Variants in AKR1E2 observed in about 807,000 individuals in gnomAD.
AKR1E2 encodes aldo-keto reductase family 1 member E2.
A neutral mutation model predicts 41.9 loss-of-function variants in AKR1E2; 43 were observed. That is an observed-to-expected ratio of 1.03 (90% CI 0.80 to 1.32). The LOEUF (loss-of-function observed/expected upper bound fraction) is 1.32, where lower values mean the gene tolerates loss of function less well. AKR1E2 is among the 40% of genes most tolerant of loss of function. The pLI is 0.00. For missense variants in AKR1E2, 423 were observed against 396.5 expected (o/e 1.07, Z -0.57); for synonymous variants, 121 against 138.9 (o/e 0.87, Z 0.91).
chr10:4,840,408 A>G (rs1833781543), intron 6 of AKR1E2, among the ~76,000 whole-genome samples: 1 of 152,232 alleles, frequency 6.6e-6, no homozygotes, highest in Admixed American at 6.5e-5. Flanking sequence ...GTTAAGTAGC[A>G]TTCCCGAGGT....
chr10:4,837,112 A>G (rs1833491588), intron 4 of AKR1E2, among the ~76,000 whole-genome samples: 1 of 152,230 alleles, frequency 6.6e-6, no homozygotes, highest in African/African-American at 2.4e-5. Flanking sequence ...GAATAGGAAC[A>G]AGAAGAGCTC....
At position 4,846,454 on chromosome 10, in the gene AKR1E2, G is replaced by A. The variant is rs77223826; in HGVS notation, c.838-694G>A. ...TACTGTTAGAGTTCATAGTCCCAGG[G>A]CCAAGTGGGTCCCTAGTTGGCAGGT... On this transcript the variant is annotated intron_variant, in intron 8 of 9. Coordinates refer to ENST00000298375, the MANE Select transcript of AKR1E2 (RefSeq NM_001040177.3). Among the ~76,000 whole-genome samples the A allele has an allele frequency of 9.8e-3, 1,485 of 152,244 alleles. 23 individuals carry two copies. The highest frequency in any genetic ancestry group is 0.035 in the African/African-American group (1,432 of 41,498).
At chr10:4,850,796 A>G (rs1308796654), downstream of AKR1E2, among the ~76,000 whole-genome samples, 1 of 152,190 alleles carries the variant, frequency 6.6e-6, no homozygotes, top group African/African-American at 2.4e-5. Context: ...CAGGGTGACT[A>G]TGTGCACAAT....
the AKR1E2 span, among the ~76,000 whole-genome samples, chr10:4,866,977 C>T: frequency 2.0e-5 from 3 of 152,106 alleles, no homozygotes; most frequent in South Asian, 6.2e-4. Context: ...AATCTTGTAG[C>T]CTCCAGCTGC....
upstream of AKR1E2, among the ~76,000 whole-genome samples, chr10:4,825,298 G>T (rs1458813770): frequency 1.3e-5 from 2 of 152,194 alleles, no homozygotes; most frequent in African/African-American, 4.8e-5. Flanking sequence ...TCATCTGGGT[G>T]TGGGTGTCCT....
Position 4,833,402 on chromosome 10 carries a change from GTC to G in AKR1E2, c.263_264del (p.Leu88GlnfsTer32). ...TTGGTGGAAACAGCATGCAGAAAGA[GTC>G]TCAAGGCCTTGAAGCTGAACTATTT... On this transcript the variant is annotated frameshift_variant, in exon 3 of 10. Transcript: ENST00000298375. LOFTEE classifies it high-confidence loss of function. The G allele has an allele frequency of 6.2e-7, 1 of 1,614,204 alleles. No homozygotes were observed. Among genetic ancestry groups the G allele is most frequent in the Non-Finnish European group, 8.5e-7 (1 of 1,180,038 alleles).
chr10:4,836,349 A>G (rs74353402), intron 4 of AKR1E2, among the ~76,000 whole-genome samples: 5,302 of 152,204 alleles, frequency 0.035, 149 homozygotes, highest in East Asian at 0.11. Context: ...GGCTTGCAGT[A>G]AAGACTTGAG....
intron 3 of AKR1E2, among the ~76,000 whole-genome samples, chr10:4,835,338 G>C (rs1833315275): frequency 6.6e-6 from 1 of 152,210 alleles, no homozygotes; most frequent in Non-Finnish European, 1.5e-5. Context: ...AAGACATGAA[G>C]AAAATGCACT....
intron 8 of AKR1E2, among the ~76,000 whole-genome samples, chr10:4,843,000 G>A (rs1182720837): frequency 1.3e-5 from 2 of 152,226 alleles, no homozygotes; most frequent in Non-Finnish European, 2.9e-5. Context: ...CTGAGAGGCA[G>A]GAGTGAAGAC....
chr10:4,867,110 A>G, the AKR1E2 span, among the ~76,000 whole-genome samples: 1 of 152,226 alleles, frequency 6.6e-6, no homozygotes, highest in Non-Finnish European at 1.5e-5. Context: ...TGTTTAAACT[A>G]TAAACTAAGT....
chr10:4,850,269 C>T (rs1393464080), downstream of AKR1E2, among the ~76,000 whole-genome samples: 1 of 152,220 alleles, frequency 6.6e-6, no homozygotes, highest in Admixed American at 6.5e-5. Flanking sequence ...GTGGGCATCT[C>T]TCCTGACTTT....
chr10:4,850,463 A>G (rs551092909), downstream of AKR1E2, among the ~76,000 whole-genome samples: 1 of 152,324 alleles, frequency 6.6e-6, no homozygotes, highest in South Asian at 2.1e-4. Context: ...CTTGGGGAGG[A>G]TGGCAGGGCC....
chr10:4,865,769 T>C, the AKR1E2 span, among the ~76,000 whole-genome samples: 9 of 152,270 alleles, frequency 5.9e-5, no homozygotes, highest in African/African-American at 2.2e-4. Flanking sequence ...TAATTATAAA[T>C]TGGTAGGACT....
At chr10:4,827,958 ATATTC>A (rs143033710) in intron 1 of AKR1E2, among the ~76,000 whole-genome samples, 5,320 of 152,330 alleles carry the variant, frequency 0.035, 147 homozygotes, top group East Asian at 0.11. Flanking sequence ...ACAGGTCAAA[ATATTC>A]TATTTATTTT....
At chr10:4,862,337 T>C in the AKR1E2 span, among the ~76,000 whole-genome samples, 1 of 152,332 alleles carries the variant, frequency 6.6e-6, no homozygotes, top group African/African-American at 2.4e-5. Flanking sequence ...ACTGTAGCCT[T>C]GTAGTATAAT....
At chr10:4,825,339 G>A (rs978165703), upstream of AKR1E2, among the ~76,000 whole-genome samples, 4 of 152,204 alleles carry the variant, frequency 2.6e-5, no homozygotes, top group Admixed American at 2.6e-4. Context: ...GGCTGAGGGG[G>A]GCAATGAAGG....
downstream of AKR1E2, among the ~76,000 whole-genome samples, chr10:4,850,295 T>C (rs1210915704): frequency 6.6e-6 from 1 of 152,238 alleles, no homozygotes; most frequent in Non-Finnish European, 1.5e-5. Flanking sequence ...TGGGAGATAC[T>C]CAGATACTCG....
the AKR1E2 span, among the ~76,000 whole-genome samples, chr10:4,854,943 G>T: frequency 1.3e-5 from 2 of 152,168 alleles, no homozygotes; most frequent in East Asian, 3.9e-4. Context: ...GGAATAATCT[G>T]CCTTGCCCTC....
chr10:4,869,932 T>C, the AKR1E2 span, among the ~76,000 whole-genome samples: 2 of 152,206 alleles, frequency 1.3e-5, no homozygotes, highest in South Asian at 4.1e-4. Context: ...ATTTTCTATA[T>C]GTTGTGGTTT....
Sources: gnomAD v4.1 joint callset for allele counts (sites outside exome capture counted in the v4.1 genomes callset) on GRCh38, gnomAD v4.1.1 for gene constraint, MANE v1.5 for transcripts, NCBI Gene and HGNC (gene_info 2026-07-23, HGNC 2026-07-21) for gene names.